Variants in TULP4 observed in about 807,000 individuals in gnomAD.
The protein encoded by TULP4 is tubby-related protein 4.
TULP4 carries 16 observed loss-of-function variants against 129.0 expected under a neutral mutation model. The ratio of observed to expected loss-of-function variants is 0.12; its 90% CI spans 0.08 to 0.19. TULP4 has a LOEUF of 0.19. Among genes scored for constraint, TULP4 ranks in the 10% least tolerant of loss-of-function variants. TULP4 has a pLI of 1.00. For missense variants in TULP4, 1,842 were observed against 2,059.1 expected (o/e 0.89, Z 2.04); for synonymous variants, 998 against 854.0 (o/e 1.17, Z -2.94).
chr6:158,504,979 G>C (rs1289129869), intron 13 of TULP4, among the ~76,000 whole-genome samples: 1 of 85,236 alleles, frequency 1.2e-5, no homozygotes, highest in Admixed American at 1.0e-4. Flanking sequence ...TGTTATGCTA[G>C]TCAATAGCTG....
At chr6:158,464,279 A>G (rs1239547037) in intron 6 of TULP4, among the ~76,000 whole-genome samples, 2 of 152,196 alleles carry the variant, frequency 1.3e-5, no homozygotes, top group East Asian at 1.9e-4. Flanking sequence ...CGTAAGGCAC[A>G]TGTTGGTTAA....
intron 2 of TULP4, among the ~76,000 whole-genome samples, chr6:158,417,657 C>A (rs570480915): frequency 6.6e-6 from 1 of 152,246 alleles, no homozygotes; most frequent in African/African-American, 2.4e-5. Context: ...GCTTTCTGCA[C>A]CTGGAAAAGT....
chr6:158,246,938 G>T (rs775927174), intron 1 of TULP4, among the ~76,000 whole-genome samples: 1 of 152,204 alleles, frequency 6.6e-6, no homozygotes, highest in Admixed American at 6.5e-5. Flanking sequence ...CAGCAGTGCT[G>T]TGCAGAGGAT....
chr6:158,339,436 T>C (rs1426160642), intron 1 of TULP4, among the ~76,000 whole-genome samples: 2 of 152,180 alleles, frequency 1.3e-5, no homozygotes, highest in African/African-American at 4.8e-5. Flanking sequence ...AGAACCGGTC[T>C]GACTAGAATT....
At chr6:158,280,283 A>G (rs1778725934), upstream of TULP4, among the ~76,000 whole-genome samples, 1 of 152,224 alleles carries the variant, frequency 6.6e-6, no homozygotes, top group Non-Finnish European at 1.5e-5. Flanking sequence ...GATACTATGC[A>G]TTCATGCCAT....
chr6:158,364,956 C>A (rs1033476687), intron 1 of TULP4, among the ~76,000 whole-genome samples: 1 of 151,878 alleles, frequency 6.6e-6, no homozygotes, highest in Non-Finnish European at 1.5e-5. Flanking sequence ...AGGATGGTCT[C>A]GATCTCCTGA....
intron 6 of TULP4, among the ~76,000 whole-genome samples, chr6:158,462,039 A>C (rs560460958): frequency 6.6e-6 from 1 of 152,274 alleles, no homozygotes; most frequent in Admixed American, 6.5e-5. Flanking sequence ...AGGAAGAGTA[A>C]TTTTCTTCTC....
intron 1 of TULP4, chr6:158,242,052 C>T (rs887745942): frequency 1.5e-5 from 12 of 794,442 alleles, no homozygotes; most frequent in South Asian, 2.7e-5. Flanking sequence ...ACCCTACATC[C>T]GTTGGTTTTA....
At chr6:158,304,961 C>T (rs1032931658) in intron 1 of TULP4, among the ~76,000 whole-genome samples, 1 of 152,054 alleles carries the variant, frequency 6.6e-6, no homozygotes, top group African/African-American at 2.4e-5. Flanking sequence ...GCCACTGTGC[C>T]CAGCCCATTT....
chr6:158,362,846 G>T, intron 1 of TULP4, among the ~76,000 whole-genome samples: 1 of 23,962 alleles, frequency 4.2e-5, no homozygotes, highest in Admixed American at 5.0e-4. Context: ...GAGGTCAGGA[G>T]GTCAGGAGTT....
In TULP4 at chr6:158,432,986, A is replaced by G. The variant is rs188270754; in HGVS notation, c.543+3089A>G. On this transcript the variant is annotated intron_variant, in intron 3 of 13. Coordinates refer to ENST00000367097, the MANE Select transcript of TULP4 (RefSeq NM_020245.5). ...CACAGGCACCCCTAAGAAATTAGCA[A>G]TGACATTATCTGGTATCTAGGCTAC... is the stretch of plus-strand genomic sequence containing the variant. Among the ~76,000 whole-genome samples the G allele has an allele frequency of 2.1e-4, 32 of 152,314 alleles. No homozygotes were observed. In the East Asian group the frequency reaches 5.8e-3, roughly 28 times the overall value.
chr6:158,372,701 C>T (rs953362859), intron 1 of TULP4, among the ~76,000 whole-genome samples: 10 of 152,244 alleles, frequency 6.6e-5, no homozygotes, highest in African/African-American at 2.4e-4. Flanking sequence ...TGCACTGGAG[C>T]TCATGGCCCC....
chr6:158,395,039 A>T (rs1344083936), intron 1 of TULP4, among the ~76,000 whole-genome samples: 1 of 152,112 alleles, frequency 6.6e-6, no homozygotes, highest in Non-Finnish European at 1.5e-5. Flanking sequence ...ACTCACTGTC[A>T]TGGGAACAGC....
intron 3 of TULP4, among the ~76,000 whole-genome samples, chr6:158,445,947 A>G (rs1452330313): frequency 2.6e-5 from 4 of 152,220 alleles, no homozygotes; most frequent in Non-Finnish European, 5.9e-5. Context: ...AAGAGGGCCT[A>G]GAGCCAAGCC....
intron 11 of TULP4, among the ~76,000 whole-genome samples, chr6:158,496,072 A>G (rs991201280): frequency 3.9e-5 from 6 of 152,202 alleles, no homozygotes; most frequent in African/African-American, 1.4e-4. Context: ...GACAGTAATG[A>G]CGTGAAAATG....
intron 4 of TULP4, 83 bp downstream of exon 4, chr6:158,449,259 G>A: frequency 1.9e-5 from 26 of 1,402,838 alleles, no homozygotes; most frequent in Non-Finnish European, 2.5e-5. Context: ...TGTGGAGGAG[G>A]GAGGGTGAAG....
intron 1 of TULP4, among the ~76,000 whole-genome samples, chr6:158,334,508 A>G (rs952189888): frequency 3.9e-5 from 6 of 152,252 alleles, no homozygotes; most frequent in Non-Finnish European, 8.8e-5. Flanking sequence ...TGGTAAGGCT[A>G]CTGATCAGCA....
intron 1 of TULP4, among the ~76,000 whole-genome samples, chr6:158,361,748 G>A (rs1780794769): frequency 6.6e-6 from 1 of 152,142 alleles, no homozygotes; most frequent in Admixed American, 6.5e-5. Flanking sequence ...AACATGTTAG[G>A]AAAATCTCTT....
At chr6:158,312,292 G>C (rs182413643), upstream of TULP4, 16 of 394,936 alleles carry the variant, frequency 4.1e-5, 1 homozygote, top group Admixed American at 6.6e-4. Flanking sequence ...GTGGGCTCAG[G>C]AGCCCGGGGA....
Sources: gnomAD v4.1 joint callset for allele counts (sites outside exome capture counted in the v4.1 genomes callset) on GRCh38, gnomAD v4.1.1 for gene constraint, MANE v1.5 for transcripts, NCBI Gene and HGNC (gene_info 2026-07-23, HGNC 2026-07-21) for gene names.